The following XIRP2 variants were observed in gnomAD, a reference collection of about 807,000 sequenced individuals.
XIRP2 encodes the protein xin actin-binding repeat-containing protein 2.
XIRP2 carries 236 observed loss-of-function variants against 277.0 expected under a neutral mutation model. The observed-to-expected ratio is 0.85, with a 90% CI of 0.77 to 0.95. XIRP2 has a LOEUF of 0.95. XIRP2 is among the 40% of genes least tolerant of loss of function. XIRP2 has a pLI of 0.00. For synonymous variants in XIRP2, 1,490 were observed against 1,416.5 expected, an observed-to-expected ratio of 1.05 and a Z score of -1.17; for missense variants, 4,640 against 4,157.5, an observed-to-expected ratio of 1.12 and a Z score of -3.19.
rs1367054671 is a variant in XIRP2, at chr2:167,244,171, G to T, written c.2779G>T (p.Asp927Tyr). ...ETQPLEDIRK[D>Y]KKEYTRTVKL... ...CCAACCTCTGGAAGACATTAGAAAAGATAAAAAGGAGTACACACGAACAGT... is the reference window on the plus strand; with the variant it reads ...CCAACCTCTGGAAGACATTAGAAAATATAAAAAGGAGTACACACGAACAGT... Residue 927 changes from aspartate (D) to tyrosine (Y), a missense_variant, in exon 9 of 11, where the codon GAT (aspartate) becomes TAT (tyrosine). Physicochemically the swap from Asp to Tyr is radical, Grantham distance 160. Transcript: ENST00000409195. The T allele has an allele frequency of 3.7e-6, 6 of 1,613,450 alleles. No individual in the cohort carries two copies. Among genetic ancestry groups the T allele is most frequent in the Non-Finnish European group, 8.5e-7 (1 of 1,179,798 alleles).
At position 167,257,883 on chromosome 2, in the gene XIRP2, G is replaced by A; in HGVS notation, c.*66G>A. ...TTGGGAAATTATGCATCACTTCATG[G>A]ACAAATATACTGTAAACCTCACTTT... On this transcript the variant is annotated 3_prime_UTR_variant, in exon 11 of 11. Transcript: ENST00000409195. 1.2e-6 allele frequency: 2 copies of A among 1,601,508 alleles called. No individual in the cohort carries two copies.
intron 2 of XIRP2, among the ~76,000 whole-genome samples, chr2:167,020,981 T>C (rs904605473): frequency 6.6e-6 from 1 of 152,138 alleles, no homozygotes; most frequent in Non-Finnish European, 1.5e-5. Context: ...ATCTTTGCGT[T>C]GGCAGGGGTG....
intron 3 of XIRP2, among the ~76,000 whole-genome samples, chr2:167,160,934 T>C (rs1692345181): frequency 6.6e-6 from 1 of 152,166 alleles, no homozygotes; most frequent in African/African-American, 2.4e-5. Flanking sequence ...CTAGATACAA[T>C]GGGAGTACAG....
chr2:167,207,144 A>G (rs1693880620), intron 3 of XIRP2, among the ~76,000 whole-genome samples: 1 of 152,190 alleles, frequency 6.6e-6, no homozygotes, highest in African/African-American at 2.4e-5. Context: ...TTAATAGGAA[A>G]TGAGGATAGA....
At chr2:167,161,107 G>A (rs1692349758) in intron 3 of XIRP2, among the ~76,000 whole-genome samples, 2 of 152,194 alleles carry the variant, frequency 1.3e-5, no homozygotes, top group Admixed American at 6.5e-5. Context: ...TGGAGCAAGA[G>A]GTGGGTTCCC....
At chr2:167,048,777 C>T (rs1318682722) in intron 2 of XIRP2, among the ~76,000 whole-genome samples, 2 of 151,846 alleles carry the variant, frequency 1.3e-5, no homozygotes, top group Non-Finnish European at 2.9e-5. Flanking sequence ...TGAGTCCTTT[C>T]TAAGTACCTT....
intron 2 of XIRP2, among the ~76,000 whole-genome samples, chr2:167,122,526 T>C (rs1415013253): frequency 6.6e-6 from 1 of 152,134 alleles, no homozygotes; most frequent in African/African-American, 2.4e-5. Context: ...ATGAAAAATG[T>C]GTAGCAGTGT....
At chr2:167,203,624 G>T (rs1693780404) in intron 3 of XIRP2, among the ~76,000 whole-genome samples, 1 of 152,090 alleles carries the variant, frequency 6.6e-6, no homozygotes, top group South Asian at 2.1e-4. Context: ...CTGAATTGAT[G>T]CAGGTCTGTG....
Position 167,247,485 on chromosome 2 carries a change from T to C in XIRP2, c.6093T>C (p.Asp2031=), listed in dbSNP as rs775243058. 21 of 1,613,624 alleles carry C rather than the reference T, an allele frequency of 1.3e-5. No individual in the cohort carries two copies. In the South Asian group the frequency reaches 2.3e-4, roughly 18 times the overall value. Reference sequence around the variant, plus strand: ...AAGGCACTGTAAAGATTGTCATAGATCGTGAACAAAACAATGATGCTCTGG... The same window carrying C: ...AAGGCACTGTAAAGATTGTCATAGACCGTGAACAAAACAATGATGCTCTGG... ...APKGTVKIVI[D]REQNNDALEK... Residue 2031 remains aspartate (D), a synonymous_variant, in exon 9 of 11, where the codon GAT becomes GAC. Transcript: ENST00000409195.
At chr2:167,089,766 C>A (rs901315156) in intron 2 of XIRP2, among the ~76,000 whole-genome samples, 1 of 152,042 alleles carries the variant, frequency 6.6e-6, no homozygotes, top group Non-Finnish European at 1.5e-5. Flanking sequence ...TAGCCCACAG[C>A]TACATTTTTT....
chr2:167,156,319 A>G (rs1484761305), intron 3 of XIRP2, among the ~76,000 whole-genome samples: 1 of 152,110 alleles, frequency 6.6e-6, no homozygotes, highest in Non-Finnish European at 1.5e-5. Context: ...AGTAAAGTTA[A>G]TGATAGCAAC....
At chr2:167,129,398 G>T (rs993307398) in intron 2 of XIRP2, among the ~76,000 whole-genome samples, 5 of 152,008 alleles carry the variant, frequency 3.3e-5, no homozygotes, top group Non-Finnish European at 5.9e-5. Flanking sequence ...TAAAGCAGTA[G>T]GGCAACCTGC....
chr2:167,034,385 A>G (rs1688451396), intron 2 of XIRP2, among the ~76,000 whole-genome samples: 1 of 152,116 alleles, frequency 6.6e-6, no homozygotes, highest in Admixed American at 6.6e-5. Flanking sequence ...AGGGAACTAC[A>G]CAGAATAACA....
chr2:167,083,324 C>A (rs1164999642), intron 2 of XIRP2, among the ~76,000 whole-genome samples: 1 of 152,160 alleles, frequency 6.6e-6, no homozygotes, highest in Non-Finnish European at 1.5e-5. Flanking sequence ...GGTACCAGTA[C>A]CATGCTGTTT....
chr2:167,056,356 A>G (rs1475939409), intron 2 of XIRP2, among the ~76,000 whole-genome samples: 1 of 152,152 alleles, frequency 6.6e-6, no homozygotes, highest in Non-Finnish European at 1.5e-5. Context: ...GTGGTTAATC[A>G]TTCATTTCTG....
At chr2:166,971,696 G>A (rs1686582309) in intron 2 of XIRP2, among the ~76,000 whole-genome samples, 1 of 152,052 alleles carries the variant, frequency 6.6e-6, no homozygotes, top group Non-Finnish European at 1.5e-5. Context: ...TGATCTACAA[G>A]ACTGACAGGA....
intron 3 of XIRP2, among the ~76,000 whole-genome samples, chr2:167,157,260 A>C (rs1692229406): frequency 6.6e-6 from 1 of 151,948 alleles, no homozygotes; most frequent in African/African-American, 2.4e-5. Context: ...ACATCCTCTC[A>C]ATTTTCAGGA....
chr2:166,977,160 T>A (rs1361559113), intron 2 of XIRP2, among the ~76,000 whole-genome samples: 3 of 152,218 alleles, frequency 2.0e-5, no homozygotes, highest in African/African-American at 2.4e-5. Context: ...ATCCTTTTTT[T>A]AAAAAGTTTG....
chr2:167,120,761 A>G (rs190884600), intron 2 of XIRP2, among the ~76,000 whole-genome samples: 1 of 152,300 alleles, frequency 6.6e-6, no homozygotes, highest in East Asian at 1.9e-4. Flanking sequence ...GCTCATGAAT[A>G]TAAATATTCA....
Sources: allele counts gnomAD v4.1 joint callset (sites outside exome capture counted in the v4.1 genomes callset), GRCh38; gene constraint gnomAD v4.1.1; transcripts MANE v1.5; gene names NCBI Gene and HGNC (gene_info 2026-07-23, HGNC 2026-07-21).